The following DYM variants were observed in gnomAD, a reference collection of about 807,000 sequenced individuals.
The protein encoded by DYM is dyggve-Melchior-Clausen syndrome protein.
A neutral mutation model predicts 93.1 loss-of-function variants in DYM; 78 were observed. The ratio of observed to expected loss-of-function variants is 0.84; its 90% CI spans 0.70 to 1.01. The LOEUF (loss-of-function observed/expected upper bound fraction) is 1.01, where lower values mean the gene tolerates loss of function less well. DYM is among the 50% of genes least tolerant of loss of function. DYM has a pLI of 0.00. For synonymous variants in DYM, 321 were observed against 319.7 expected (o/e 1.00, Z -0.04); for missense variants, 789 against 845.0 (o/e 0.93, Z 0.82).
Position 49,043,011 on chromosome 18 carries a change from A to G in DYM, c.*1044T>C, listed in dbSNP as rs2071043668. On this transcript the variant is annotated 3_prime_UTR_variant, in exon 18 of 18. Transcript: ENST00000675505. ...TTCTTTTTCCCAATGATTAATACAG[A>G]GTAGATTAACTTAATTTGTGCTAGA... 2 of 152,254 alleles carry G rather than the reference A, an allele frequency of 1.3e-5. No homozygotes were observed. Among genetic ancestry groups the G allele is most frequent in the African/African-American group, 4.8e-5 (2 of 41,464 alleles). 9.4% of individuals were successfully genotyped at this position (152,254 alleles called of 1,614,324 possible).
chr18:49,115,956 G>C (rs2081888458), intron 16 of DYM: 1 of 152,148 alleles, frequency 6.6e-6, no homozygotes, highest in Non-Finnish European at 1.5e-5. Context: ...GCTAGTCTTT[G>C]ACCCTTCAAA....
intron 2 of DYM, among the ~76,000 whole-genome samples, chr18:49,411,043 C>A (rs1334302956): frequency 6.6e-6 from 1 of 152,074 alleles, no homozygotes; most frequent in African/African-American, 2.4e-5. Context: ...TTTAAAAACC[C>A]TGAGAAGTTG....
intron 1 of DYM, among the ~76,000 whole-genome samples, chr18:49,451,497 A>T (rs2082512952): frequency 6.6e-6 from 1 of 152,240 alleles, no homozygotes; most frequent in Admixed American, 6.5e-5. Flanking sequence ...TAACAGGTCC[A>T]GGAGCTCCAA....
chr18:49,082,196 A>G (rs1488170459), intron 17 of DYM, among the ~76,000 whole-genome samples: 1 of 152,266 alleles, frequency 6.6e-6, no homozygotes, highest in Non-Finnish European at 1.5e-5. Context: ...CCATGCCACG[A>G]ACTACATGGA....
intron 14 of DYM, among the ~76,000 whole-genome samples, chr18:49,184,825 C>A (rs1000178820): frequency 6.6e-6 from 1 of 151,930 alleles, no homozygotes; most frequent in Non-Finnish European, 1.5e-5. Flanking sequence ...TAACTGAAAC[C>A]CCAGAAAACA....
At chr18:49,080,549 C>T (rs1473094802) in intron 17 of DYM, among the ~76,000 whole-genome samples, 4 of 134,206 alleles carry the variant, frequency 3.0e-5, no homozygotes, top group Non-Finnish European at 6.5e-5. Context: ...CGGGCAGAGG[C>T]GCCCCTCACC....
intron 13 of DYM, among the ~76,000 whole-genome samples, chr18:49,254,729 A>G (rs2094357943): frequency 6.6e-6 from 1 of 152,226 alleles, no homozygotes; most frequent in South Asian, 2.1e-4. Context: ...GCATTTTCAT[A>G]TCAAACAAGC....
intron 11 of DYM, among the ~76,000 whole-genome samples, chr18:49,269,690 G>A (rs1568139715): frequency 6.6e-6 from 1 of 152,224 alleles, no homozygotes; most frequent in Non-Finnish European, 1.5e-5. Context: ...TCACCTAGAT[G>A]TTGTAGCCAT....
chr18:49,240,651 T>C (rs1322087249), intron 13 of DYM, among the ~76,000 whole-genome samples: 1 of 152,234 alleles, frequency 6.6e-6, no homozygotes, highest in Non-Finnish European at 1.5e-5. Context: ...AAATTTTTTT[T>C]ATTGGCAACC....
At chr18:49,216,338 A>G (rs999287163) in intron 13 of DYM, among the ~76,000 whole-genome samples, 3 of 152,198 alleles carry the variant, frequency 2.0e-5, no homozygotes, top group African/African-American at 7.2e-5. Context: ...CAGACAAACA[A>G]AAAGACAGCA....
At chr18:49,117,639 T>A in intron 16 of DYM, among the ~76,000 whole-genome samples, 1 of 152,204 alleles carries the variant, frequency 6.6e-6, no homozygotes, top group African/African-American at 2.4e-5. Flanking sequence ...ACAAACTTTT[T>A]AACAGAACTC....
rs185746611 is a variant in DYM at position 49,336,126 on chromosome 18, T to G, written c.495-2273A>C. The stretch of plus-strand genomic sequence containing the variant: ...ATCGTGCCAGACTGCAAATGTATTT[T>G]GTCATTGCATCAATAATAAAGAATC... On this transcript the variant is annotated intron_variant, in intron 6 of 17. Coordinates refer to ENST00000675505, the MANE Select transcript of DYM (RefSeq NM_001353214.3). Among the ~76,000 whole-genome samples the G allele has an allele frequency of 7.7e-4, 118 of 152,338 alleles. 1 individual carries two copies. Among genetic ancestry groups the G allele is most frequent in the African/African-American group, 2.7e-3 (113 of 41,578 alleles).
intron 2 of DYM, among the ~76,000 whole-genome samples, chr18:49,403,470 A>G (rs1360857196): frequency 1.3e-5 from 2 of 152,256 alleles, no homozygotes; most frequent in South Asian, 4.1e-4. Flanking sequence ...TGATACAGCC[A>G]TCTTGTGAAA....
intron 17 of DYM, among the ~76,000 whole-genome samples, chr18:49,071,958 C>T (rs1049288974): frequency 2.0e-5 from 3 of 152,192 alleles, no homozygotes; most frequent in Admixed American, 6.5e-5. Context: ...ATGCACGCTG[C>T]GCCTTACCCC....
chr18:49,256,103 A>T (rs2094389977), intron 13 of DYM, among the ~76,000 whole-genome samples: 1 of 144,976 alleles, frequency 6.9e-6, no homozygotes, highest in Non-Finnish European at 1.5e-5. Context: ...AAAAAAAAAA[A>T]AGTCATGTCT....
intron 5 of DYM, among the ~76,000 whole-genome samples, chr18:49,377,939 G>T (rs554163834): frequency 1.3e-5 from 2 of 152,334 alleles, no homozygotes; most frequent in African/African-American, 4.8e-5. Context: ...TCAGCCTGAT[G>T]AGGGCAGAGA....
At chr18:49,451,953 T>G (rs528407585) in intron 1 of DYM, among the ~76,000 whole-genome samples, 1 of 152,202 alleles carries the variant, frequency 6.6e-6, no homozygotes, top group Non-Finnish European at 1.5e-5. Flanking sequence ...TCTGGATACC[T>G]TGGCAAATAA....
chr18:49,191,463 A>T (rs1186379437), intron 14 of DYM, among the ~76,000 whole-genome samples: 1 of 152,192 alleles, frequency 6.6e-6, no homozygotes, highest in African/African-American at 2.4e-5. Flanking sequence ...ATAAAAAATC[A>T]AAACCGAACT....
intron 2 of DYM, chr18:49,412,862 G>T (rs550573459): frequency 2.6e-5 from 4 of 152,122 alleles, no homozygotes; most frequent in Non-Finnish European, 5.9e-5. Flanking sequence ...GTCAACTGAG[G>T]AAACAGACTA....
Sources: allele counts gnomAD v4.1 joint callset (sites outside exome capture counted in the v4.1 genomes callset), GRCh38; gene constraint gnomAD v4.1.1; transcripts MANE v1.5; gene names NCBI Gene and HGNC (gene_info 2026-07-23, HGNC 2026-07-21).